Variants in TMEM184B observed in about 807,000 individuals in gnomAD.
The protein encoded by TMEM184B is transmembrane protein 184B, also known as putative MAPK-activating protein FM08.
In TMEM184B, 17 loss-of-function variants were observed where a neutral mutation model predicts 41.8. The observed-to-expected ratio is 0.41, with a 90% confidence interval of 0.28 to 0.61. The LOEUF is 0.61. Among genes scored for constraint, TMEM184B ranks in the 20% least tolerant of loss-of-function variants. The pLI is 0.34. For missense variants in TMEM184B, 393 were observed against 557.8 expected, an observed-to-expected ratio of 0.70 and a Z score of 2.98; for synonymous variants, 240 against 229.5, an observed-to-expected ratio of 1.05 and a Z score of -0.41.
At position 38,270,666 on chromosome 22, in the gene TMEM184B, C is replaced by T. The variant is rs558291992; in HGVS notation, c.-59+2218G>A. Among the ~76,000 whole-genome samples, 3 of 152,330 alleles carry T rather than the reference C, an allele frequency of 2.0e-5. No individual in the cohort carries two copies. The South Asian group carries it at 6.2e-4, about 32-fold the overall frequency. ...ACCCCACACAGAGCTCTCCCAGGGG[C>T]CCAGCTATTGGCCTTCCAGAACTCC... On this transcript the variant is annotated intron_variant, in intron 1 of 8. Coordinates refer to ENST00000361906, the MANE Select transcript of TMEM184B (RefSeq NM_012264.5).
intron 3 of TMEM184B, 80 bp downstream of exon 3, chr22:38,245,855 C>T: frequency 7.0e-7 from 1 of 1,420,362 alleles, no homozygotes; most frequent in South Asian, 1.3e-5. Flanking sequence ...TCATGAAGCC[C>T]CTCGGGGAGG....
At chr22:38,271,562 C>T (rs887104409) in intron 1 of TMEM184B, among the ~76,000 whole-genome samples, 1 of 152,242 alleles carries the variant, frequency 6.6e-6, no homozygotes, top group Admixed American at 6.5e-5. Flanking sequence ...ATGAGGGAGT[C>T]TTTCCTGCGG....
rs2091394254 is a variant in TMEM184B, at chr22:38,225,160, G to T, written c.788-181C>A. ...AGCCTCCGGAAACCCCACTCTCCCA[G>T]CTCTTTGCCACCGAAACTGAGATGC... On this transcript the variant is annotated intron_variant, in intron 7 of 8. Transcript: ENST00000361906. The surrounding 1 kb of genome is among the most constrained non-coding windows in gnomAD (Gnocchi z 4.4). 1.3e-5 allele frequency among the ~76,000 whole-genome samples: 2 copies of T among 152,164 alleles called. No individual in the cohort carries two copies. Among genetic ancestry groups the T allele is most frequent in the Admixed American group, 1.3e-4 (2 of 15,276 alleles).
chr22:38,243,411 G>A (rs1008875150), intron 3 of TMEM184B, among the ~76,000 whole-genome samples: 11 of 152,190 alleles, frequency 7.2e-5, no homozygotes, highest in Non-Finnish European at 1.0e-4. Flanking sequence ...CTTGTCCCCC[G>A]ACCACACAGG....
Position 38,219,723 on chromosome 22 carries a change from G to C in TMEM184B, c.*1746C>G. 1.0e-6 allele frequency: 1 copy of C among 985,732 alleles called. No homozygotes were observed. Among genetic ancestry groups the C allele is most frequent in the Non-Finnish European group, 1.2e-6 (1 of 830,120 alleles). 61.1% of individuals were successfully genotyped at this position (985,732 alleles called of 1,614,324 possible). On this transcript the variant is annotated 3_prime_UTR_variant, in exon 9 of 9. Transcript: ENST00000361906. ...TGGGAATCAGCAGCACTTTGGCCTG[G>C]AGGGAGAAGGGAAGCCACGGTGGAG...
chr22:38,223,053 G>A (rs2091307237), intron 8 of TMEM184B: 1 of 152,580 alleles, frequency 6.6e-6, no homozygotes, highest in South Asian at 2.1e-4. Flanking sequence ...CCCAGACCAG[G>A]ACATGGAGGC....
At position 38,225,330 on chromosome 22, in the gene TMEM184B, C is replaced by T; in HGVS notation, c.787+94G>A. On this transcript the variant is annotated intron_variant, in intron 7 of 8. Transcript: ENST00000361906. This position sits in a 1 kb window ranked among gnomAD's most constrained non-coding sequence, Gnocchi z 4.4. ...GGGCTGAGGCCCCTCTGAACAGGCC[C>T]TACAGGCACCAGGGACCATAAGCAG... 6.9e-7 allele frequency: 1 copy of T among 1,446,904 alleles called. No individual in the cohort carries two copies. The highest frequency in any genetic ancestry group is 9.2e-7 in the Non-Finnish European group (1 of 1,082,358). The allele number at this position is 1,446,904 out of a possible 1,614,324, so 89.6% of individuals were successfully genotyped here. A position where few individuals can be genotyped will look rare whatever the true frequency, so the allele number is the denominator to read the frequency against.
In TMEM184B at chr22:38,251,933, T is replaced by G. The variant is rs565224009; in HGVS notation, c.-58-3914A>C. ...TTTTGAGACAAGAGTCTTGCTCTGT[T>G]GCTCAGGCTGCAGTGCAATGACATG... On this transcript the variant is annotated intron_variant, in intron 1 of 8. Coordinates refer to ENST00000361906, the MANE Select transcript of TMEM184B (RefSeq NM_012264.5). Among the ~76,000 whole-genome samples the G allele has an allele frequency of 4.0e-5, 6 of 151,880 alleles. No individual in the cohort carries two copies. In the East Asian group the frequency reaches 1.2e-3, roughly 29 times the overall value.
chr22:38,236,303 CAGGAG>C (rs2091772038), intron 3 of TMEM184B, among the ~76,000 whole-genome samples: 1 of 152,036 alleles, frequency 6.6e-6, no homozygotes. Flanking sequence ...TGCACAGTAT[CAGGAG>C]AGAAGGACCA....
In TMEM184B at chr22:38,243,838, C is replaced by A. The variant is rs2091966819; in HGVS notation, c.358+2097G>T. Reference sequence around the variant, plus strand: ...TCCCATGGGCCCGGCTCTGTCTGGGCATGGCTGCACCCCATCCTGCTCTGG... The same window carrying A: ...TCCCATGGGCCCGGCTCTGTCTGGGAATGGCTGCACCCCATCCTGCTCTGG... On this transcript the variant is annotated intron_variant, in intron 3 of 8. Transcript: ENST00000361906. 4.6e-5 allele frequency among the ~76,000 whole-genome samples: 7 copies of A among 152,332 alleles called. No homozygotes were observed. In the South Asian group the frequency reaches 1.5e-3, roughly 32 times the overall value.
Position 38,230,235 on chromosome 22 carries a change from C to T in TMEM184B, c.525+434G>A, listed in dbSNP as rs539908188. On this transcript the variant is annotated intron_variant, in intron 5 of 8. Coordinates refer to ENST00000361906, the MANE Select transcript of TMEM184B (RefSeq NM_012264.5). ...GGGAAGTCAGCCCAGGAAGCTAGAG[C>T]GGCTGGATTGCCAACCAGGAAATGC... Among the ~76,000 whole-genome samples the T allele has an allele frequency of 1.2e-3, 183 of 152,230 alleles. 2 individuals are homozygous for T. Among genetic ancestry groups the T allele is most frequent in the African/African-American group, 4.0e-3 (167 of 41,502 alleles).
rs2092546983 is a variant in TMEM184B, at chr22:38,272,888, G to A, written c.-63C>T. 4.8e-6 allele frequency: 4 copies of A among 840,602 alleles called. No homozygotes were observed. The highest frequency in any genetic ancestry group is 6.2e-5 in the Admixed American group (1 of 16,020). 52.1% of individuals were successfully genotyped at this position (840,602 alleles called of 1,614,324 possible). A position where few individuals can be genotyped will look rare whatever the true frequency, so the allele number is the denominator to read the frequency against. On this transcript the variant is annotated 5_prime_UTR_variant, in exon 1 of 9. Transcript: ENST00000361906. Reference sequence around the variant, plus strand: ...GAGGCCGGCCAGGCGGGATACCTCAGGAGCCCATGGCGGTGGCGGCGTCTG... The same window carrying A: ...GAGGCCGGCCAGGCGGGATACCTCAAGAGCCCATGGCGGTGGCGGCGTCTG...
At chr22:38,232,667 C>T (rs1163398953) in intron 3 of TMEM184B, among the ~76,000 whole-genome samples, 2 of 152,282 alleles carry the variant, frequency 1.3e-5, no homozygotes, top group Non-Finnish European at 1.5e-5. Context: ...CTGACCCCGC[C>T]AGCCCCTGCA....
At chr22:38,272,300 C>A (rs1233400198) in intron 1 of TMEM184B, among the ~76,000 whole-genome samples, 1 of 152,162 alleles carries the variant, frequency 6.6e-6, no homozygotes, top group African/African-American at 2.4e-5. Flanking sequence ...GATACAGACA[C>A]CCAAAACCAG....
chr22:38,263,849 G>A (rs1298963530), intron 1 of TMEM184B, among the ~76,000 whole-genome samples: 1 of 152,216 alleles, frequency 6.6e-6, no homozygotes. Flanking sequence ...CTGTCTCCCA[G>A]GCTGAAGTGC....
intron 1 of TMEM184B, among the ~76,000 whole-genome samples, chr22:38,257,988 C>G (rs977167971): frequency 6.6e-6 from 1 of 152,142 alleles, no homozygotes; most frequent in African/African-American, 2.4e-5. Flanking sequence ...GCAGATCAGA[C>G]AGAAAACAAA....
At chr22:38,246,145 A>G (rs1159481524) in intron 2 of TMEM184B, 45 bp from the exon 3 acceptor site, 1 of 1,585,208 alleles carries the variant, frequency 6.3e-7, no homozygotes. Flanking sequence ...TCCTGTCCAC[A>G]GGGACGGGAG....
At position 38,250,372 on chromosome 22, in the gene TMEM184B, A is replaced by C. The variant is rs569639421; in HGVS notation, c.-58-2353T>G. On this transcript the variant is annotated intron_variant, in intron 1 of 8. Coordinates refer to ENST00000361906, the MANE Select transcript of TMEM184B (RefSeq NM_012264.5). ...CCACATATACATGATCTCTTAACAC[A>C]CCAATTGAGACACAAATCGAGACTA... 1.7e-4 allele frequency among the ~76,000 whole-genome samples: 26 copies of C among 152,354 alleles called. No homozygotes were observed. The South Asian group carries it at 5.2e-3, about 30-fold the overall frequency.
chr22:38,238,245 TGAGACAGA>T (rs2091828169), intron 3 of TMEM184B, among the ~76,000 whole-genome samples: 1 of 149,628 alleles, frequency 6.7e-6, no homozygotes, highest in African/African-American at 2.5e-5. Context: ...TTTTTTTTTT[TGAGACAGA>T]GTCTCTCGCT....
Sources: allele counts gnomAD v4.1 joint callset (sites outside exome capture counted in the v4.1 genomes callset), GRCh38; gene constraint gnomAD v4.1.1; non-coding constraint Gnocchi (gnomAD v3.1); transcripts MANE v1.5; gene names NCBI Gene and HGNC (gene_info 2026-07-23, HGNC 2026-07-21).